Variants in ZYG11A observed in about 807,000 individuals in gnomAD.
ZYG11A encodes the protein zyg-11 family member A, cell cycle regulator.
A neutral mutation model predicts 77.2 loss-of-function variants in ZYG11A; 62 were observed. The observed-to-expected ratio is 0.80, with a 90% confidence interval of 0.65 to 0.99. The LOEUF is 0.99. Ranked by LOEUF, ZYG11A falls within the 50% of genes least tolerant of loss-of-function variation. The probability of loss-of-function intolerance (pLI) is 0.00; values close to 1 mark genes in which losing one functional copy is unlikely to be tolerated. For synonymous variants in ZYG11A, 315 were observed against 324.6 expected (o/e 0.97, Z 0.32); for missense variants, 828 against 896.8 (o/e 0.92, Z 0.98).
At chr1:52,880,707 C>T (rs147969041) in intron 10 of ZYG11A, among the ~76,000 whole-genome samples, 1,528 of 152,254 alleles carry the variant, frequency 0.01, 18 homozygotes, top group Non-Finnish European at 0.018. Flanking sequence ...GGGGCAGCTT[C>T]TAGGAGCCGA....
intron 1 of ZYG11A, among the ~76,000 whole-genome samples, chr1:52,851,220 AT>A (rs67578804): frequency 0.016 from 2,366 of 150,902 alleles, 41 homozygotes; most frequent in African/African-American, 0.054. Context: ...ATTTTTTCGT[AT>A]TTTTTGTGGA....
At chr1:52,885,012 G>A (rs1396884133) in intron 11 of ZYG11A, among the ~76,000 whole-genome samples, 2 of 151,874 alleles carry the variant, frequency 1.3e-5, no homozygotes, top group Admixed American at 1.3e-4. Context: ...GGCTTCAAGC[G>A]ATTCTCCTGC....
chr1:52,844,265 G>A (rs934579752), intron 1 of ZYG11A, among the ~76,000 whole-genome samples: 1 of 152,180 alleles, frequency 6.6e-6, no homozygotes, highest in Non-Finnish European at 1.5e-5. Flanking sequence ...ACATATTAAC[G>A]CCTTGTTGGA....
At chr1:52,866,213 A>T (rs1173512889) in intron 5 of ZYG11A, among the ~76,000 whole-genome samples, 2 of 152,190 alleles carry the variant, frequency 1.3e-5, no homozygotes, top group African/African-American at 4.8e-5. Flanking sequence ...CTGGGATTAC[A>T]GGCATGAGCC....
At chr1:52,851,235 G>A (rs369454344) in intron 1 of ZYG11A, among the ~76,000 whole-genome samples, 2 of 151,746 alleles carry the variant, frequency 1.3e-5, no homozygotes, top group Non-Finnish European at 2.9e-5. Context: ...TTGTGGAGAC[G>A]GGGTTTTGCC....
rs1236418079 is a variant in ZYG11A, at chr1:52,854,448, G to C, written c.91-17G>C. 1 of 1,522,580 alleles carries C rather than the reference G, an allele frequency of 6.6e-7. No homozygotes were observed. Among genetic ancestry groups the C allele is most frequent in the Non-Finnish European group, 8.9e-7 (1 of 1,126,454 alleles). The allele number at this position is 1,522,580 out of a possible 1,614,324, so 94.3% of individuals were successfully genotyped here. On this transcript the variant is annotated splice_polypyrimidine_tract_variant and intron_variant, in intron 1 of 13. Coordinates refer to ENST00000371528, the MANE Select transcript of ZYG11A (RefSeq NM_001004339.3). The stretch of plus-strand genomic sequence containing the variant: ...AGATGTATTCTAACAAAGTTTGTTT[G>C]GGGTTTTGTTTGCTAGGAAGAGGCA...
chr1:52,885,725 C>T, intron 11 of ZYG11A, 108 bp from the exon 12 acceptor site: 1 of 746,042 alleles, frequency 1.3e-6, no homozygotes, highest in Non-Finnish European at 2.2e-6. Flanking sequence ...TGATATTTTG[C>T]CAAGTAGATG....
intron 5 of ZYG11A, 128 bp downstream of exon 5, chr1:52,864,285 GC>G: frequency 1.0e-6 from 1 of 966,936 alleles, no homozygotes; most frequent in Non-Finnish European, 1.5e-6. Flanking sequence ...TCTCTCTGTC[GC>G]CCAGGCTGGA....
chr1:52,891,508 G>A (rs1392832685), intron 13 of ZYG11A, among the ~76,000 whole-genome samples: 2 of 151,628 alleles, frequency 1.3e-5, no homozygotes, highest in African/African-American at 4.9e-5. Flanking sequence ...GCTTGTGCTC[G>A]TTTTTTTATA....
At chr1:52,884,301 C>G (rs969684256) in intron 11 of ZYG11A, among the ~76,000 whole-genome samples, 1 of 151,968 alleles carries the variant, frequency 6.6e-6, no homozygotes, top group African/African-American at 2.4e-5. Flanking sequence ...TCGAGATCCT[C>G]CTGGCTAACA....
At position 52,892,728 on chromosome 1, in the gene ZYG11A, G is replaced by A. The variant is rs1646567172; in HGVS notation, c.2105-54G>A. The stretch of plus-strand genomic sequence containing the variant: ...CAGCAAGGTGAATGTGGTGACATGG[G>A]AGTATTTAAAATGCCAGTTGTCCAT... On this transcript the variant is annotated intron_variant, in intron 13 of 13. Transcript: ENST00000371528. The A allele has an allele frequency of 1.4e-5, 20 of 1,432,210 alleles. No individual in the cohort carries two copies. In the South Asian group the frequency reaches 2.4e-4, roughly 17 times the overall value. 88.7% of individuals were successfully genotyped at this position (1,432,210 alleles called of 1,614,324 possible). A position where few individuals can be genotyped will look rare whatever the true frequency, so the allele number is the denominator to read the frequency against.
At chr1:52,891,612 G>A (rs771447482) in intron 13 of ZYG11A, among the ~76,000 whole-genome samples, 9 of 151,688 alleles carry the variant, frequency 5.9e-5, no homozygotes, top group East Asian at 1.9e-4. Context: ...TCCTACTCCC[G>A]TATACCCCTA....
intron 1 of ZYG11A, among the ~76,000 whole-genome samples, chr1:52,848,765 G>C (rs12083939): frequency 1.3e-5 from 2 of 152,122 alleles, no homozygotes; most frequent in African/African-American, 4.8e-5. Context: ...TACTTGGGAG[G>C]CTGAGGCACG....
intron 10 of ZYG11A, chr1:52,881,179 C>T (rs1293090676): frequency 5.1e-6 from 1 of 194,234 alleles, no homozygotes; most frequent in Non-Finnish European, 1.0e-5. Flanking sequence ...TGTCACATTT[C>T]TTTGTAGTAG....
intron 1 of ZYG11A, among the ~76,000 whole-genome samples, chr1:52,850,697 G>GC (rs1255575819): frequency 6.6e-6 from 1 of 152,080 alleles, no homozygotes; most frequent in African/African-American, 2.4e-5. Context: ...CTTGTGATCT[G>GC]CCCGCCTCGG....
chr1:52,877,480 A>AT (rs980982360), intron 8 of ZYG11A, among the ~76,000 whole-genome samples: 2 of 151,990 alleles, frequency 1.3e-5, no homozygotes, highest in African/African-American at 2.4e-5. Flanking sequence ...CTAAACTTAA[A>AT]TTTTTTTTCA....
At chr1:52,862,466 C>T (rs1347671105) in intron 4 of ZYG11A, among the ~76,000 whole-genome samples, 1 of 151,658 alleles carries the variant, frequency 6.6e-6, no homozygotes, top group African/African-American at 2.4e-5. Flanking sequence ...CGCCCGTCAC[C>T]ACGCCCAGCT....
chr1:52,855,895 C>T (rs927915210), intron 2 of ZYG11A, among the ~76,000 whole-genome samples: 1 of 152,120 alleles, frequency 6.6e-6, no homozygotes, highest in South Asian at 2.1e-4. Context: ...TATTTTTAAA[C>T]TTAAAAAATT....
chr1:52,853,912 GAAAAAAAGAACTTAATGTTTTTC>G (rs1645760612), intron 1 of ZYG11A, among the ~76,000 whole-genome samples: 2 of 151,864 alleles, frequency 1.3e-5, no homozygotes, highest in Non-Finnish European at 2.9e-5. Context: ...TCAAAAAAAA[GAAAAAAAGAACTTAATGTTTTTC>G]AAGATACAGT....
Sources: allele counts gnomAD v4.1 joint callset (sites outside exome capture counted in the v4.1 genomes callset), GRCh38; gene constraint gnomAD v4.1.1; transcripts MANE v1.5; gene names NCBI Gene and HGNC (gene_info 2026-07-23, HGNC 2026-07-21).